The following ATP2C1 variants were observed in gnomAD, a reference collection of about 807,000 sequenced individuals.
The protein encoded by ATP2C1 is ATPase secretory pathway Ca2+ transporting 1, also known as calcium-transporting ATPase type 2C member 1.
Under a neutral mutation model 120.5 loss-of-function variants are expected in ATP2C1, and 31 were observed. The ratio of observed to expected loss-of-function variants is 0.26; its 90% confidence interval spans 0.19 to 0.35. The LOEUF (loss-of-function observed/expected upper bound fraction) is 0.35, where lower values mean the gene tolerates loss of function less well. Ranked by LOEUF, ATP2C1 falls within the 10% of genes least tolerant of loss-of-function variation. The probability of loss-of-function intolerance (pLI) is 1.00; values close to 1 mark genes in which losing one functional copy is unlikely to be tolerated. For missense variants in ATP2C1, 731 were observed against 1,107.5 expected (o/e 0.66, Z 4.83); for synonymous variants, 351 against 358.7 (o/e 0.98, Z 0.24).
Position 130,919,226 on chromosome 3 carries a change from C to CTT in ATP2C1, c.7-11188_7-11187dup, listed in dbSNP as rs199758815. The CTT allele has an allele frequency of 8.2e-4, 131 of 160,406 alleles. No homozygotes were observed. The Middle Eastern group carries it at 9.0e-3, about 11-fold the overall frequency. 9.9% of individuals were successfully genotyped at this position (160,406 alleles called of 1,614,324 possible). A position where few individuals can be genotyped will look rare whatever the true frequency, so the allele number is the denominator to read the frequency against. On this transcript the variant is annotated intron_variant, in intron 2 of 27. Transcript: ENST00000510168. ...CTAGAATTTTAGAATTTCTTTCTTT[C>CTT]TTTCTTTTTTTTTTATTGAGAGAGT... is the stretch of plus-strand genomic sequence containing the variant.
intron 6 of ATP2C1, among the ~76,000 whole-genome samples, chr3:130,938,217 A>G (rs917872340): frequency 5.3e-5 from 8 of 152,248 alleles, no homozygotes; most frequent in Non-Finnish European, 1.0e-4. Context: ...ACAGACAAAT[A>G]AAAATGTAGG....
Position 130,939,436 on chromosome 3 carries a change from A to G in ATP2C1, c.361-1194A>G, listed in dbSNP as rs553853729. On this transcript the variant is annotated intron_variant, in intron 6 of 27. Transcript: ENST00000510168. ...AGTCGTAATGAAGTCACCTTACAAT[A>G]AATTTGAAAAATGACTTTTAGGCAT... is the stretch of plus-strand genomic sequence containing the variant. Among the ~76,000 whole-genome samples the G allele has an allele frequency of 4.6e-5, 7 of 152,304 alleles. No individual in the cohort carries two copies. The East Asian group carries it at 1.2e-3, about 25-fold the overall frequency.
intron 4 of ATP2C1, among the ~76,000 whole-genome samples, chr3:130,933,259 CTGGG>C (rs2059527976): frequency 9.5e-6 from 1 of 105,086 alleles, no homozygotes; most frequent in African/African-American, 3.1e-5. Context: ...TCACAAAGCA[CTGGG>C]TGATTCTTTA....
chr3:130,963,661 A>G, intron 12 of ATP2C1: 4 of 354,614 alleles, frequency 1.1e-5, no homozygotes, highest in African/African-American at 2.1e-5. Context: ...TATTTTATAG[A>G]TGAGGACAGT....
chr3:130,869,422 T>TAAAAAAAAAA (rs2068342474), intron 1 of ATP2C1: 2 of 54,790 alleles, frequency 3.7e-5, no homozygotes, highest in African/African-American at 9.7e-5. Context: ...GAATGATCAA[T>TAAAAAAAAAA]AAAAAATAAA....
At chr3:130,977,870 A>G (rs2061590717) in intron 18 of ATP2C1, among the ~76,000 whole-genome samples, 1 of 152,216 alleles carries the variant, frequency 6.6e-6, no homozygotes, top group Non-Finnish European at 1.5e-5. Context: ...ATTACATCTT[A>G]TGAAACAAGT....
At chr3:130,882,194 T>C (rs1230739829) in intron 1 of ATP2C1, among the ~76,000 whole-genome samples, 1 of 151,860 alleles carries the variant, frequency 6.6e-6, no homozygotes, top group Non-Finnish European at 1.5e-5. Flanking sequence ...GTGTCTGTCA[T>C]ATACTTTTTT....
At chr3:130,998,255 C>A in intron 25 of ATP2C1, 39 bp from the exon 26 acceptor site, 1 of 1,316,222 alleles carries the variant, frequency 7.6e-7, no homozygotes, top group Middle Eastern at 1.8e-4. Context: ...CCATTAAATT[C>A]AGCCACTGAA....
intron 2 of ATP2C1, chr3:130,919,001 A>G (rs1468024462): frequency 4.6e-6 from 2 of 431,712 alleles, no homozygotes; most frequent in Non-Finnish European, 9.1e-6. Flanking sequence ...TAAACAAACA[A>G]ACAAACAAAC....
At chr3:130,965,330 A>G (rs931586654) in intron 14 of ATP2C1, among the ~76,000 whole-genome samples, 11 of 152,058 alleles carry the variant, frequency 7.2e-5, no homozygotes, top group African/African-American at 2.4e-4. Flanking sequence ...TTTCCCAGCC[A>G]TCTACTTTAT....
At chr3:130,984,720 T>C (rs2061918494) in intron 20 of ATP2C1, among the ~76,000 whole-genome samples, 3 of 151,822 alleles carry the variant, frequency 2.0e-5, no homozygotes, top group Admixed American at 2.0e-4. Flanking sequence ...TCCCCAAAGA[T>C]CAAAATCCTA....
At chr3:131,005,809 A>G (rs1017920888), downstream of ATP2C1, among the ~76,000 whole-genome samples, 1 of 152,246 alleles carries the variant, frequency 6.6e-6, no homozygotes, top group African/African-American at 2.4e-5. Flanking sequence ...GAAGGACAAG[A>G]TAATATTTCA....
chr3:130,873,940 T>C lies in ATP2C1; in HGVS notation c.108+23012T>C, dbSNP rs763468032. Among the ~76,000 whole-genome samples the C allele has an allele frequency of 2.2e-3, 334 of 151,848 alleles. 3 individuals are homozygous for C. The highest frequency in any genetic ancestry group is 2.8e-3 in the Non-Finnish European group (189 of 67,904). ...GCCTGACCAACATGGTGAAACCCCG[T>C]CTCTACTAAAAATACAAAAATTAGC... On this transcript the variant is annotated intron_variant, in intron 1 of 26. Coordinates refer to the ATP2C1 transcript ENST00000504381.
At chr3:130,854,343 T>C (rs1353084819) in intron 1 of ATP2C1, 1 of 152,160 alleles carries the variant, frequency 6.6e-6, no homozygotes, top group Non-Finnish European at 1.5e-5. Context: ...GTGGTGAACG[T>C]TGGGCAGCCT....
At chr3:130,957,528 T>C (rs1286871342) in intron 11 of ATP2C1, among the ~76,000 whole-genome samples, 4 of 152,176 alleles carry the variant, frequency 2.6e-5, no homozygotes, top group Non-Finnish European at 4.4e-5. Context: ...CCAGCTAGTT[T>C]AGTATTTCAA....
intron 2 of ATP2C1, among the ~76,000 whole-genome samples, chr3:130,902,825 C>T (rs2057926392): frequency 6.6e-6 from 1 of 151,658 alleles, no homozygotes; most frequent in South Asian, 2.1e-4. Flanking sequence ...GTTGAATATT[C>T]CCTTTATTTT....
chr3:130,866,805 G>A (rs1034119805), intron 1 of ATP2C1, among the ~76,000 whole-genome samples: 16 of 152,020 alleles, frequency 1.1e-4, no homozygotes, highest in Admixed American at 2.6e-4. Context: ...ATTCATGTAC[G>A]GTCATACTTC....
Position 130,934,727 on chromosome 3 carries a change from C to T in ATP2C1, c.324+16C>T, listed in dbSNP as rs2059593415. 26 of 1,526,214 alleles carry T rather than the reference C, an allele frequency of 1.7e-5. No individual in the cohort carries two copies. Among genetic ancestry groups the T allele is most frequent in the Non-Finnish European group, 2.4e-5 (26 of 1,101,004 alleles). The allele number at this position is 1,526,214 out of a possible 1,614,324, so 94.5% of individuals were successfully genotyped here. A position where few individuals can be genotyped will look rare whatever the true frequency, so the allele number is the denominator to read the frequency against. ...TATCACTGTGGTAAGAAAAAAATTACATATTTTTAATCTGTTGAGTAAGTG... is the reference window on the plus strand; with the variant it reads ...TATCACTGTGGTAAGAAAAAAATTATATATTTTTAATCTGTTGAGTAAGTG... On this transcript the variant is annotated intron_variant, in intron 5 of 27. Coordinates refer to ENST00000510168, the MANE Select transcript of ATP2C1 (RefSeq NM_001378687.1).
In ATP2C1 at chr3:131,002,593, T is replaced by G. The variant is rs1489535071; in HGVS notation, c.*1243T>G. ...CTTGATGAGGTATAGGTCATTTGTT[T>G]TGAGTATGTGGGCCAGAAATTTAAA... On this transcript the variant is annotated 3_prime_UTR_variant, in exon 28 of 28. Transcript: ENST00000510168. 3 of 985,346 alleles carry G rather than the reference T, an allele frequency of 3.0e-6. No homozygotes were observed. The highest frequency in any genetic ancestry group is 2.4e-6 in the Non-Finnish European group (2 of 829,936). The allele number at this position is 985,346 out of a possible 1,614,324, so 61.0% of individuals were successfully genotyped here.
Sources: gnomAD v4.1 joint callset for allele counts (sites outside exome capture counted in the v4.1 genomes callset) on GRCh38, gnomAD v4.1.1 for gene constraint, MANE v1.5 for transcripts, NCBI Gene and HGNC (gene_info 2026-07-23, HGNC 2026-07-21) for gene names.